Variants in WWOX observed in about 807,000 individuals in gnomAD.
WWOX encodes WW domain containing oxidoreductase.
Under a neutral mutation model 46.2 loss-of-function variants are expected in WWOX, and 69 were observed. That is an observed-to-expected ratio of 1.49 (90% confidence interval 1.23 to 1.82). WWOX has a LOEUF of 1.82. WWOX is among the 40% of genes most tolerant of loss of function. The probability of loss-of-function intolerance (pLI) is 0.00; values close to 1 mark genes in which losing one functional copy is unlikely to be tolerated. For synonymous variants in WWOX, 359 were observed against 202.6 expected, an observed-to-expected ratio of 1.77 and a Z score of -6.56; for missense variants, 919 against 542.6, an observed-to-expected ratio of 1.69 and a Z score of -6.89.
chr16:78,409,007 C>A (rs2082612075), intron 6 of WWOX, among the ~76,000 whole-genome samples: 1 of 152,154 alleles, frequency 6.6e-6, no homozygotes. Context: ...ATCTTACCTA[C>A]CTCTGATTTC....
intron 8 of WWOX, among the ~76,000 whole-genome samples, chr16:79,007,899 C>G (rs370580673): frequency 2.0e-5 from 3 of 152,200 alleles, no homozygotes; most frequent in South Asian, 2.1e-4. Context: ...CAAATGATTC[C>G]TCATAACAAC....
intron 8 of WWOX, among the ~76,000 whole-genome samples, chr16:78,445,064 G>C (rs2083528411): frequency 1.3e-5 from 2 of 151,892 alleles, no homozygotes; most frequent in Non-Finnish European, 2.9e-5. Context: ...CGTGTAGTGA[G>C]CCAGGTGAGC....
chr16:78,748,031 G>C (rs996666565), intron 8 of WWOX, among the ~76,000 whole-genome samples: 5 of 152,106 alleles, frequency 3.3e-5, no homozygotes, highest in Non-Finnish European at 7.3e-5. Context: ...TATTGAACTT[G>C]GCCAGAGCAC....
chr16:78,400,141 T>C (rs2082377540), intron 6 of WWOX, among the ~76,000 whole-genome samples: 1 of 152,220 alleles, frequency 6.6e-6, no homozygotes, highest in Non-Finnish European at 1.5e-5. Context: ...ACTTTTAAGC[T>C]TAAACTCCTG....
chr16:78,505,042 C>A (rs193046998), intron 8 of WWOX, among the ~76,000 whole-genome samples: 116 of 152,284 alleles, frequency 7.6e-4, no homozygotes, highest in Non-Finnish European at 1.3e-3. Flanking sequence ...ACAGTTCCTT[C>A]TCCTCCTCTA....
At chr16:79,121,868 GAA>G (rs747233097) in intron 8 of WWOX, among the ~76,000 whole-genome samples, 2 of 152,150 alleles carry the variant, frequency 1.3e-5, no homozygotes, top group Non-Finnish European at 2.9e-5. Flanking sequence ...CTCAGCATCA[GAA>G]AAGAGGTCGT....
chr16:78,537,565 A>T (rs1211171218), intron 8 of WWOX, among the ~76,000 whole-genome samples: 1 of 152,072 alleles, frequency 6.6e-6, no homozygotes, highest in African/African-American at 2.4e-5. Context: ...TGACATACTA[A>T]ACCATATTGT....
At chr16:79,025,389 G>T (rs986825838) in intron 8 of WWOX, among the ~76,000 whole-genome samples, 3 of 152,204 alleles carry the variant, frequency 2.0e-5, no homozygotes, top group African/African-American at 7.2e-5. Context: ...TTCAGTTGAG[G>T]ATCTCAAAAC....
At chr16:79,138,286 C>T (rs1183208080) in intron 8 of WWOX, among the ~76,000 whole-genome samples, 3 of 152,164 alleles carry the variant, frequency 2.0e-5, no homozygotes, top group African/African-American at 4.8e-5. Context: ...ATGTGTAATT[C>T]GTCATGATCC....
chr16:78,726,835 A>G (rs1220225855), intron 8 of WWOX, among the ~76,000 whole-genome samples: 45 of 152,030 alleles, frequency 3.0e-4, no homozygotes, highest in Non-Finnish European at 2.2e-4. Context: ...GGAGGCTTTC[A>G]GTTTCTTCAT....
At position 78,865,391 on chromosome 16, in the gene WWOX, C is replaced by G. The variant is rs113375347; in HGVS notation, c.1057-346217C>G. 3.3e-5 allele frequency among the ~76,000 whole-genome samples: 5 copies of G among 152,282 alleles called. 2 individuals are homozygous for G. The highest frequency in any genetic ancestry group is 1.2e-4 in the African/African-American group (5 of 41,556). On this transcript the variant is annotated intron_variant, in intron 8 of 8. Coordinates refer to ENST00000566780, the MANE Select transcript of WWOX (RefSeq NM_016373.4). ...GGTGAAGGGCAGATAGAGGTCAACA[C>G]CATAGATAAATCTTTACACTCCAGT...
chr16:79,105,585 C>G (rs1158902069), intron 8 of WWOX, among the ~76,000 whole-genome samples: 1 of 151,908 alleles, frequency 6.6e-6, no homozygotes, highest in Non-Finnish European at 1.5e-5. Flanking sequence ...AAAAAAGTCA[C>G]AGAAACAATT....
intron 4 of WWOX, among the ~76,000 whole-genome samples, chr16:78,163,774 G>A (rs529677508): frequency 5.3e-5 from 8 of 152,178 alleles, no homozygotes; most frequent in East Asian, 1.9e-4. Flanking sequence ...AGTCCTTATC[G>A]TGGGCACAGG....
intron 5 of WWOX, among the ~76,000 whole-genome samples, chr16:78,311,602 C>T (rs2151875169): frequency 6.6e-6 from 1 of 152,294 alleles, no homozygotes; most frequent in Non-Finnish European, 1.5e-5. Flanking sequence ...TGCAGAAATG[C>T]AGATGAGTGG....
At chr16:78,466,162 G>A (rs1223214810) in intron 8 of WWOX, among the ~76,000 whole-genome samples, 1 of 152,010 alleles carries the variant, frequency 6.6e-6, no homozygotes, top group African/African-American at 2.4e-5. Context: ...CTTCCTAGTA[G>A]CTGGGACTAT....
chr16:78,848,029 G>C (rs1437199475), intron 8 of WWOX, among the ~76,000 whole-genome samples: 1 of 152,214 alleles, frequency 6.6e-6, no homozygotes, highest in Non-Finnish European at 1.5e-5. Flanking sequence ...CCTGGCATAT[G>C]AGTGAGGTCC....
At chr16:78,201,549 C>T (rs964710880) in intron 5 of WWOX, among the ~76,000 whole-genome samples, 1 of 152,118 alleles carries the variant, frequency 6.6e-6, no homozygotes, top group Admixed American at 6.5e-5. Context: ...TTAGTCCCTT[C>T]TGGAAGAGAG....
At chr16:78,607,058 A>T (rs1359433918) in intron 8 of WWOX, among the ~76,000 whole-genome samples, 1 of 152,112 alleles carries the variant, frequency 6.6e-6, no homozygotes, top group African/African-American at 2.4e-5. Context: ...GAACAATGCA[A>T]ATGGTGGCCA....
intron 8 of WWOX, among the ~76,000 whole-genome samples, chr16:79,155,843 AGAGGAC>A (rs1358887559): frequency 6.6e-6 from 1 of 151,850 alleles, no homozygotes; most frequent in East Asian, 1.9e-4. Context: ...TCAGGTTTAT[AGAGGAC>A]TAATACATAT....
Sources: allele counts gnomAD v4.1 joint callset (sites outside exome capture counted in the v4.1 genomes callset), GRCh38; gene constraint gnomAD v4.1.1; transcripts MANE v1.5; gene names NCBI Gene and HGNC (gene_info 2026-07-23, HGNC 2026-07-21).